The following CSMD1 variants were observed in gnomAD, a reference collection of about 807,000 sequenced individuals.
CSMD1 encodes the protein CUB and sushi domain-containing protein 1.
CSMD1 carries 213 observed loss-of-function variants against 417.5 expected under a neutral mutation model. The ratio of observed to expected loss-of-function variants is 0.51; its 90% CI spans 0.46 to 0.57. The LOEUF is 0.57. Ranked by LOEUF, CSMD1 falls within the 20% of genes least tolerant of loss-of-function variation. The pLI, the probability that CSMD1 is intolerant of heterozygous loss-of-function variation, is 0.00. For missense variants in CSMD1, 6,923 were observed against 4,529.7 expected, an observed-to-expected ratio of 1.53 and a Z score of -15.17; for synonymous variants, 2,862 against 1,736.8, an observed-to-expected ratio of 1.65 and a Z score of -16.11.
intron 4 of CSMD1, among the ~76,000 whole-genome samples, chr8:4,025,212 G>C (rs1347328647): frequency 6.6e-6 from 1 of 152,198 alleles, no homozygotes; most frequent in Middle Eastern, 3.2e-3. Flanking sequence ...TCAGATGTTA[G>C]CTTTCTCATG....
intron 3 of CSMD1, among the ~76,000 whole-genome samples, chr8:4,194,347 G>C (rs774847319): frequency 1.4e-4 from 21 of 152,056 alleles, no homozygotes; most frequent in Non-Finnish European, 3.1e-4. Context: ...GAAAACCACA[G>C]ACCTAATTTG....
chr8:2,958,608 G>T (rs554471833), intron 62 of CSMD1, among the ~76,000 whole-genome samples: 5 of 152,218 alleles, frequency 3.3e-5, no homozygotes, highest in African/African-American at 1.2e-4. Flanking sequence ...CCATGGTTCT[G>T]TGTATCTGCA....
At chr8:4,976,170 A>T (rs1810550494) in intron 1 of CSMD1, among the ~76,000 whole-genome samples, 1 of 152,194 alleles carries the variant, frequency 6.6e-6, no homozygotes, top group South Asian at 2.1e-4. Flanking sequence ...GAGCAGAGAG[A>T]CAAGGGCTGA....
intron 26 of CSMD1, among the ~76,000 whole-genome samples, chr8:3,231,833 G>T (rs1295545589): frequency 6.6e-6 from 1 of 152,102 alleles, no homozygotes; most frequent in Admixed American, 6.5e-5. Flanking sequence ...CTTATCATCA[G>T]CTAACAAATC....
At chr8:3,488,532 C>G (rs995224124) in intron 11 of CSMD1, among the ~76,000 whole-genome samples, 2 of 152,148 alleles carry the variant, frequency 1.3e-5, no homozygotes, top group Non-Finnish European at 2.9e-5. Flanking sequence ...AGCACTCTTA[C>G]TATTAATAAT....
chr8:3,553,595 A>G (rs954194188), intron 10 of CSMD1, among the ~76,000 whole-genome samples: 2 of 152,242 alleles, frequency 1.3e-5, no homozygotes, highest in African/African-American at 2.4e-5. Flanking sequence ...AACATAAACC[A>G]TAACTGTGAT....
chr8:3,971,192 G>A (rs539556962), intron 5 of CSMD1, among the ~76,000 whole-genome samples: 2 of 152,160 alleles, frequency 1.3e-5, no homozygotes, highest in African/African-American at 2.4e-5. Flanking sequence ...AACACCAAAT[G>A]TCCTCTTCGT....
intron 2 of CSMD1, among the ~76,000 whole-genome samples, chr8:4,524,569 CT>C (rs35453060): frequency 0.1 from 11,955 of 117,886 alleles, 424 homozygotes; most frequent in South Asian, 0.16. Flanking sequence ...CACACTTGGT[CT>C]TTTTTTTTTT....
At chr8:3,229,745 A>G (rs770522267) in intron 27 of CSMD1, among the ~76,000 whole-genome samples, 1 of 152,238 alleles carries the variant, frequency 6.6e-6, no homozygotes, top group Non-Finnish European at 1.5e-5. Flanking sequence ...TGAGGCAACT[A>G]GAATTTTAAA....
chr8:4,132,633 G>A (rs1477627502), intron 3 of CSMD1, among the ~76,000 whole-genome samples: 1 of 152,060 alleles, frequency 6.6e-6, no homozygotes, highest in Non-Finnish European at 1.5e-5. Flanking sequence ...TTCATTCTAA[G>A]CCAAATAAAT....
intron 37 of CSMD1, among the ~76,000 whole-genome samples, chr8:3,173,891 G>C (rs1473910924): frequency 3.3e-5 from 5 of 152,172 alleles, no homozygotes; most frequent in African/African-American, 1.2e-4. Flanking sequence ...GCTAATCCAA[G>C]TTATCTGTAT....
intron 52 of CSMD1, among the ~76,000 whole-genome samples, chr8:3,016,422 T>C (rs939749829): frequency 2.0e-5 from 3 of 152,206 alleles, no homozygotes; most frequent in Non-Finnish European, 4.4e-5. Flanking sequence ...CATATGTTCT[T>C]GCTGAGTTTC....
chr8:3,315,779 T>A (rs1260682194), intron 23 of CSMD1, among the ~76,000 whole-genome samples: 1 of 152,208 alleles, frequency 6.6e-6, no homozygotes, highest in East Asian at 1.9e-4. Context: ...TATCTATTTT[T>A]TGGAACTGTC....
chr8:4,720,874 C>G (rs951132388), intron 1 of CSMD1, among the ~76,000 whole-genome samples: 1 of 152,148 alleles, frequency 6.6e-6, no homozygotes, highest in Non-Finnish European at 1.5e-5. Context: ...GATCCTAGTG[C>G]CGTCTCTGGT....
rs376604969 is a variant in CSMD1 at position 3,708,532 on chromosome 8, G to C, written c.932-41C>G. ...CCAAGCCATTAGCAGGTAAGACTTG[G>C]AGATCATAAAACCATGTTGTATCCA... On this transcript the variant is annotated intron_variant, in intron 6 of 69. Transcript: ENST00000635120. The C allele has an allele frequency of 1.7e-4, 267 of 1,563,896 alleles. 1 individual carries two copies. In the African/African-American group the frequency reaches 3.3e-3, roughly 20 times the overall value.
intron 10 of CSMD1, among the ~76,000 whole-genome samples, chr8:3,570,868 G>T (rs575491866): frequency 6.6e-6 from 1 of 152,040 alleles, no homozygotes. Flanking sequence ...AGTAGTAAAA[G>T]GTTTAAACAA....
chr8:4,954,445 G>T (rs746186850), intron 1 of CSMD1, among the ~76,000 whole-genome samples: 3 of 152,102 alleles, frequency 2.0e-5, no homozygotes, highest in African/African-American at 4.8e-5. Context: ...TTGTATAGCT[G>T]ACACCATTTA....
At chr8:4,082,287 T>C (rs534373312) in intron 3 of CSMD1, among the ~76,000 whole-genome samples, 56 of 152,294 alleles carry the variant, frequency 3.7e-4, no homozygotes, top group Admixed American at 1.0e-3. Context: ...GTAGAATATC[T>C]GAGCAGACGT....
At chr8:3,370,599 A>T (rs917010848) in intron 18 of CSMD1, among the ~76,000 whole-genome samples, 2 of 152,188 alleles carry the variant, frequency 1.3e-5, no homozygotes, top group African/African-American at 2.4e-5. Context: ...TTAGAATTTG[A>T]GTCAGTGGAC....
Sources: allele counts gnomAD v4.1 joint callset (sites outside exome capture counted in the v4.1 genomes callset), GRCh38; gene constraint gnomAD v4.1.1; transcripts MANE v1.5; gene names NCBI Gene and HGNC (gene_info 2026-07-23, HGNC 2026-07-21).